Variants in CSMD2 observed in about 807,000 individuals in gnomAD.
The protein encoded by CSMD2 is CUB and Sushi multiple domains 2.
A neutral mutation model predicts 398.5 loss-of-function variants in CSMD2; 130 were observed. The observed-to-expected ratio is 0.33, with a 90% CI of 0.28 to 0.38. CSMD2 has a LOEUF of 0.38. Ranked by LOEUF, CSMD2 falls within the 10% of genes least tolerant of loss-of-function variation. The pLI is 1.00. For missense variants in CSMD2, 3,829 were observed against 4,764.9 expected (o/e 0.80, Z 5.78); for synonymous variants, 1,828 against 1,908.5 (o/e 0.96, Z 1.10).
intron 2 of CSMD2, among the ~76,000 whole-genome samples, chr1:34,065,674 G>A (rs1053102374): frequency 6.6e-6 from 1 of 152,174 alleles, no homozygotes; most frequent in African/African-American, 2.4e-5. Flanking sequence ...AATGTTGTAA[G>A]CAAGGTAATT....
At chr1:33,623,190 T>C (rs1182533729) in intron 36 of CSMD2, among the ~76,000 whole-genome samples, 180 bp downstream of exon 36, 2 of 152,172 alleles carry the variant, frequency 1.3e-5, no homozygotes, top group Admixed American at 1.3e-4. Flanking sequence ...TGGGATTAGA[T>C]AGTAGTGATG....
intron 13 of CSMD2, among the ~76,000 whole-genome samples, chr1:33,744,257 C>T (rs913559657): frequency 3.9e-5 from 6 of 152,150 alleles, no homozygotes; most frequent in African/African-American, 7.2e-5. Flanking sequence ...AGGCGGTAAC[C>T]GGGTGGAGAC....
chr1:33,619,898 C>A (rs1175247745), intron 37 of CSMD2, among the ~76,000 whole-genome samples: 1 of 152,176 alleles, frequency 6.6e-6, no homozygotes, highest in African/African-American at 2.4e-5. Context: ...TCTCCACACT[C>A]CAAGTAGAAC....
chr1:33,936,027 T>C (rs1644470639), intron 3 of CSMD2, 73 bp from the exon 4 acceptor site: 2 of 1,359,650 alleles, frequency 1.5e-6, no homozygotes, highest in Non-Finnish European at 2.0e-6. Context: ...GGCTTCCTAG[T>C]AGCAACTCCC....
rs191118770 is a variant in CSMD2, at chr1:33,983,404, C to T, written c.518-47450G>A. Among the ~76,000 whole-genome samples, 8 of 152,198 alleles carry T rather than the reference C, an allele frequency of 5.3e-5. No individual in the cohort carries two copies. The East Asian group carries it at 1.4e-3, about 26-fold the overall frequency. On this transcript the variant is annotated intron_variant, in intron 3 of 70. Transcript: ENST00000373381. ...CATTTTTCCCTGTGGGAAGTTCTAGCGGGCAAGAAGGGAGGAAAGAACTGA... is the reference window on the plus strand; with the variant it reads ...CATTTTTCCCTGTGGGAAGTTCTAGTGGGCAAGAAGGGAGGAAAGAACTGA...
chr1:33,748,364 T>C (rs1647684131), intron 13 of CSMD2, among the ~76,000 whole-genome samples: 2 of 152,238 alleles, frequency 1.3e-5, no homozygotes, highest in Non-Finnish European at 2.9e-5. Context: ...ATCAGGCACC[T>C]TCCTCCTTCA....
At chr1:33,578,798 G>T (rs1374196703) in intron 48 of CSMD2, among the ~76,000 whole-genome samples, 1 of 152,150 alleles carries the variant, frequency 6.6e-6, no homozygotes, top group Non-Finnish European at 1.5e-5. Flanking sequence ...GGCCCTTACA[G>T]CCACCCCTGG....
intron 66 of CSMD2, among the ~76,000 whole-genome samples, chr1:33,524,155 T>C (rs998018410): frequency 6.6e-6 from 1 of 152,240 alleles, no homozygotes; most frequent in African/African-American, 2.4e-5. Flanking sequence ...TACATTATAA[T>C]GAATGCATTT....
intron 41 of CSMD2, among the ~76,000 whole-genome samples, chr1:33,608,348 C>G (rs1478115465): frequency 6.6e-6 from 1 of 152,156 alleles, no homozygotes; most frequent in Non-Finnish European, 1.5e-5. Context: ...GGTGAAGGCA[C>G]AGTGCACGGG....
intron 68 of CSMD2, among the ~76,000 whole-genome samples, chr1:33,521,187 T>C (rs1375606441): frequency 6.6e-6 from 1 of 152,092 alleles, no homozygotes; most frequent in Non-Finnish European, 1.5e-5. Context: ...GGGGGCTGTA[T>C]CTAAGAGCCA....
At position 33,683,455 on chromosome 1, in the gene CSMD2, A is replaced by T. The variant is rs149447583; in HGVS notation, c.4052+9475T>A. 8.0e-3 allele frequency among the ~76,000 whole-genome samples: 1,210 copies of T among 152,200 alleles called. 12 individuals are homozygous for T. The highest frequency in any genetic ancestry group is 0.028 in the African/African-American group (1,157 of 41,532). On this transcript the variant is annotated intron_variant, in intron 25 of 70. Transcript: ENST00000373381. ...GCTTATTTCTTTACTTATTTTTGGA[A>T]AGGGAGAGATCTATACTGGTTCAGT...
intron 48 of CSMD2, among the ~76,000 whole-genome samples, chr1:33,579,284 T>C (rs918489967): frequency 1.3e-5 from 2 of 152,170 alleles, no homozygotes; most frequent in Non-Finnish European, 2.9e-5. Flanking sequence ...AAAGTTTCTT[T>C]TCCATCATGC....
intron 2 of CSMD2, among the ~76,000 whole-genome samples, chr1:34,052,458 G>GT (rs1558305407): frequency 3.2e-5 from 2 of 61,676 alleles, no homozygotes; most frequent in African/African-American, 1.7e-4. Context: ...TTATATCCAT[G>GT]GGGGGGGGGT....
chr1:33,856,582 C>T (rs996887102), intron 5 of CSMD2, among the ~76,000 whole-genome samples: 1 of 152,128 alleles, frequency 6.6e-6, no homozygotes, highest in Non-Finnish European at 1.5e-5. Context: ...TGAGGAGCTG[C>T]CCACATCAGT....
intron 5 of CSMD2, among the ~76,000 whole-genome samples, chr1:33,913,854 G>A (rs1477785484): frequency 6.6e-6 from 1 of 151,952 alleles, no homozygotes; most frequent in Non-Finnish European, 1.5e-5. Context: ...GAGAGTGTTG[G>A]GTATGAGACA....
At chr1:33,520,862 A>G (rs1465295343) in intron 68 of CSMD2, among the ~76,000 whole-genome samples, 1 of 152,112 alleles carries the variant, frequency 6.6e-6, no homozygotes, top group Non-Finnish European at 1.5e-5. Flanking sequence ...CTGAGAAACC[A>G]GACCCCTCCC....
At chr1:33,517,789 A>G (rs1653895597) in intron 70 of CSMD2, among the ~76,000 whole-genome samples, 1 of 152,138 alleles carries the variant, frequency 6.6e-6, no homozygotes. Context: ...ACCATCTGGG[A>G]CTCAGGCTGA....
intron 5 of CSMD2, among the ~76,000 whole-genome samples, chr1:33,861,836 A>G (rs1294387417): frequency 3.9e-5 from 6 of 152,308 alleles, no homozygotes; most frequent in South Asian, 4.2e-4. Flanking sequence ...AGGACACCTT[A>G]TGAGGACCAG....
chr1:33,856,465 G>A (rs989062667), intron 5 of CSMD2, among the ~76,000 whole-genome samples: 2 of 152,184 alleles, frequency 1.3e-5, no homozygotes, highest in South Asian at 4.1e-4. Context: ...CTTGGAGAAG[G>A]AACCTGCTTC....
Sources: gnomAD v4.1 joint callset for allele counts (sites outside exome capture counted in the v4.1 genomes callset) on GRCh38, gnomAD v4.1.1 for gene constraint, MANE v1.5 for transcripts, NCBI Gene and HGNC (gene_info 2026-07-23, HGNC 2026-07-21) for gene names.